TBC1D30: variants seen among roughly 807,000 people sequenced by gnomAD.
The protein encoded by TBC1D30 is TBC1 domain family, member 30.
In TBC1D30, 31 loss-of-function variants were observed where a neutral mutation model predicts 63.2. The ratio of observed to expected loss-of-function variants is 0.49; its 90% CI spans 0.37 to 0.66. TBC1D30 has a LOEUF of 0.66. Among genes scored for constraint, TBC1D30 ranks in the 30% least tolerant of loss-of-function variants. The pLI is 0.00. For synonymous variants in TBC1D30, 307 were observed against 361.5 expected (o/e 0.85, Z 1.71); for missense variants, 810 against 953.6 (o/e 0.85, Z 1.98).
At chr12:64,814,679 G>A (rs1473309457) in intron 2 of TBC1D30, among the ~76,000 whole-genome samples, 1 of 152,170 alleles carries the variant, frequency 6.6e-6, no homozygotes, top group Non-Finnish European at 1.5e-5. Context: ...AAAGACAGTG[G>A]TAATTAACAG....
intron 1 of TBC1D30, among the ~76,000 whole-genome samples, chr12:64,761,638 G>A (rs1870517381): frequency 6.6e-6 from 1 of 152,188 alleles, no homozygotes; most frequent in African/African-American, 2.4e-5. Flanking sequence ...AACGCCATGG[G>A]AATGTCAGGA....
chr12:64,802,614 A>G (rs1029151143), intron 2 of TBC1D30, among the ~76,000 whole-genome samples: 1 of 152,024 alleles, frequency 6.6e-6, no homozygotes, highest in African/African-American at 2.4e-5. Context: ...CTTCATTTAC[A>G]TTAGGTATAT....
At chr12:64,874,975 A>T in intron 11 of TBC1D30, 26 bp from the exon 12 acceptor site, 1 of 1,523,324 alleles carries the variant, frequency 6.6e-7, no homozygotes, top group Non-Finnish European at 8.8e-7. Context: ...GGTACACTTC[A>T]TACTACCTTT....
At chr12:64,770,806 C>T (rs997816012) in intron 1 of TBC1D30, among the ~76,000 whole-genome samples, 4 of 151,644 alleles carry the variant, frequency 2.6e-5, no homozygotes, top group Middle Eastern at 3.4e-3. Flanking sequence ...CGGGCTCAAG[C>T]GACTCCCCTT....
chr12:64,824,434 G>A (rs1874102355), upstream of TBC1D30: 1 of 159,942 alleles, frequency 6.3e-6, no homozygotes, highest in African/African-American at 2.4e-5. Flanking sequence ...CTTGGGAGAA[G>A]CACGGACATC....
intron 2 of TBC1D30, among the ~76,000 whole-genome samples, chr12:64,811,213 A>G (rs1873201233): frequency 6.6e-6 from 1 of 152,236 alleles, no homozygotes; most frequent in Non-Finnish European, 1.5e-5. Flanking sequence ...ATATAGTGCA[A>G]GATTTTTAAA....
chr12:64,863,548 T>C (rs956526520), intron 8 of TBC1D30, among the ~76,000 whole-genome samples: 1 of 152,190 alleles, frequency 6.6e-6, no homozygotes, highest in Non-Finnish European at 1.5e-5. Flanking sequence ...GCGTGGAGAA[T>C]TGAAGAGAAG....
At chr12:64,867,319 CTG>C (rs1878304106) in intron 10 of TBC1D30, among the ~76,000 whole-genome samples, 1 of 151,850 alleles carries the variant, frequency 6.6e-6, no homozygotes, top group South Asian at 2.1e-4. Flanking sequence ...CAAAAATTAG[CTG>C]TGGTGGTGCG....
chr12:64,766,952 A>T (rs1423162112), intron 1 of TBC1D30, among the ~76,000 whole-genome samples: 1 of 152,190 alleles, frequency 6.6e-6, no homozygotes, highest in Non-Finnish European at 1.5e-5. Flanking sequence ...TAATCAGTGG[A>T]TTAAAACAGA....
rs1158903151 is a variant in TBC1D30, at chr12:64,875,307, A to G, written c.1805A>G (p.Asn602Ser). Reference protein sequence around the residue: ...IDEQNEASKTNGLGAAEAFPS... With the variant: ...IDEQNEASKTSGLGAAEAFPS... ...GAGCAGAACGAGGCCAGCAAGACCAATGGGCTGGGGGCAGCAGAGGCATTC... is the reference window on the plus strand; with the variant it reads ...GAGCAGAACGAGGCCAGCAAGACCAGTGGGCTGGGGGCAGCAGAGGCATTC... Residue 602 changes from asparagine (N) to serine (S), a missense_variant, in exon 12 of 12, where the codon AAT (asparagine) becomes AGT (serine). Transcript: ENST00000539867. 2 of 1,536,252 alleles carry G rather than the reference A, an allele frequency of 1.3e-6. No homozygotes were observed. Among genetic ancestry groups the G allele is most frequent in the Admixed American group, 2.0e-5 (1 of 51,006 alleles).
Position 64,866,836 on chromosome 12 carries a change from G to T in TBC1D30, c.1224G>T (p.Val408=), listed in dbSNP as rs1409887571. Residue 408 remains valine (V), a synonymous_variant, in exon 10 of 12, where the codon GTG becomes GTT. Transcript: ENST00000539867. ...PDDEDAVVNA[V]GCLGPFSGFL... is the part of the protein sequence containing the mutation. ...ATGAGGATGCTGTCGTTAATGCAGTGGGGTGTCTTGGACCTTTTAGTGGGT... is the reference window on the plus strand; with the variant it reads ...ATGAGGATGCTGTCGTTAATGCAGTTGGGTGTCTTGGACCTTTTAGTGGGT... 1.3e-6 allele frequency: 2 copies of T among 1,536,374 alleles called. No individual in the cohort carries two copies. Among genetic ancestry groups the T allele is most frequent in the East Asian group, 4.9e-5 (2 of 40,920 alleles).
intron 1 of TBC1D30, among the ~76,000 whole-genome samples, chr12:64,826,078 T>C (rs35207339): frequency 1.5e-3 from 227 of 152,304 alleles, no homozygotes; most frequent in Non-Finnish European, 2.6e-3. Context: ...TCTTTTTTTT[T>C]TCTTTTAAAT....
exon 2 of TBC1D30, chr12:64,785,999 C>G: frequency 7.8e-7 from 1 of 1,289,702 alleles, no homozygotes; most frequent in Non-Finnish European, 1.0e-6. Flanking sequence ...TGCAGAGGAA[C>G]TGTGATATTG....
At chr12:64,817,462 G>A (rs532025232) in intron 2 of TBC1D30, among the ~76,000 whole-genome samples, 1 of 152,246 alleles carries the variant, frequency 6.6e-6, no homozygotes, top group African/African-American at 2.4e-5. Flanking sequence ...CCTCCTGGAG[G>A]GTCTCACCAG....
rs1213855301 is a variant in TBC1D30 at position 64,879,940 on chromosome 12, A to C, written c.*4152A>C. 1.3e-5 allele frequency: 2 copies of C among 152,252 alleles called. No individual in the cohort carries two copies. Among genetic ancestry groups the C allele is most frequent in the African/African-American group, 4.8e-5 (2 of 41,458 alleles). 9.4% of individuals were successfully genotyped at this position (152,252 alleles called of 1,614,324 possible). ...TTATGCAGTAAAAGCTTTATGTGCA[A>C]ATGTTCATTGAAGTATTAAATGTAC... On this transcript the variant is annotated 3_prime_UTR_variant, in exon 12 of 12. Coordinates refer to ENST00000539867, the MANE Select transcript of TBC1D30 (RefSeq NM_015279.2).
intron 1 of TBC1D30, among the ~76,000 whole-genome samples, chr12:64,762,706 C>T (rs1870560673): frequency 6.6e-6 from 1 of 151,878 alleles, no homozygotes; most frequent in South Asian, 2.1e-4. Flanking sequence ...ACTTTTTTCC[C>T]CTTACATTAT....
At chr12:64,832,453 A>G in intron 5 of TBC1D30, 149 bp downstream of exon 5, 1 of 755,186 alleles carries the variant, frequency 1.3e-6, no homozygotes, top group East Asian at 2.7e-5. Flanking sequence ...TCCAGGTTAG[A>G]GCCATGTCAA....
intron 8 of TBC1D30, among the ~76,000 whole-genome samples, chr12:64,853,514 A>T (rs1163014731): frequency 2.0e-5 from 3 of 151,904 alleles, no homozygotes; most frequent in Non-Finnish European, 2.9e-5. Context: ...TGTCTTGCTG[A>T]TGTTCTAGGC....
At chr12:64,871,908 G>A (rs1878687761) in intron 11 of TBC1D30, among the ~76,000 whole-genome samples, 1 of 152,152 alleles carries the variant, frequency 6.6e-6, no homozygotes. Flanking sequence ...TGGGTGTGAC[G>A]GTAAACAATT....
Sources: allele counts gnomAD v4.1 joint callset (sites outside exome capture counted in the v4.1 genomes callset), GRCh38; gene constraint gnomAD v4.1.1; transcripts MANE v1.5; gene names NCBI Gene and HGNC (gene_info 2026-07-23, HGNC 2026-07-21).